Variants in SNTG1 observed in about 807,000 individuals in gnomAD.
SNTG1 encodes syntrophin gamma 1, also known as gamma-1-syntrophin.
In SNTG1, 39 loss-of-function variants were observed where a neutral mutation model predicts 74.7. The ratio of observed to expected loss-of-function variants is 0.52; its 90% confidence interval spans 0.40 to 0.68. SNTG1 has a LOEUF of 0.68. Among genes scored for constraint, SNTG1 ranks in the 30% least tolerant of loss-of-function variants. The probability of loss-of-function intolerance (pLI) is 0.00; values close to 1 mark genes in which losing one functional copy is unlikely to be tolerated. For synonymous variants in SNTG1, 254 were observed against 217.1 expected (o/e 1.17, Z -1.49); for missense variants, 685 against 609.5 (o/e 1.12, Z -1.30).
intron 8 of SNTG1, among the ~76,000 whole-genome samples, chr8:50,474,663 G>T (rs2093681503): frequency 6.6e-6 from 1 of 152,168 alleles, no homozygotes; most frequent in Non-Finnish European, 1.5e-5. Context: ...GTGGAAGTCG[G>T]TGTGGCAATT....
At chr8:50,332,902 G>A (rs986850752) in intron 2 of SNTG1, among the ~76,000 whole-genome samples, 1 of 152,130 alleles carries the variant, frequency 6.6e-6, no homozygotes, top group Non-Finnish European at 1.5e-5. Context: ...CAATTACTTT[G>A]TTCTCAGAAC....
intron 4 of SNTG1, among the ~76,000 whole-genome samples, chr8:50,433,809 G>GA (rs1452633937): frequency 1.3e-5 from 2 of 152,086 alleles, no homozygotes; most frequent in African/African-American, 4.8e-5. Flanking sequence ...AAACTTGGAG[G>GA]AAAAAAGTCG....
chr8:50,190,324 A>G (rs1586638598), intron 2 of SNTG1, among the ~76,000 whole-genome samples: 1 of 152,146 alleles, frequency 6.6e-6, no homozygotes, highest in African/African-American at 2.4e-5. Flanking sequence ...TGGATTGAGG[A>G]GAACAGTCAG....
At chr8:50,233,278 T>G (rs192315156) in intron 2 of SNTG1, among the ~76,000 whole-genome samples, 13 of 151,750 alleles carry the variant, frequency 8.6e-5, no homozygotes, top group Non-Finnish European at 1.8e-4. Context: ...AAGTGATTTT[T>G]GGCAAATATT....
intron 2 of SNTG1, among the ~76,000 whole-genome samples, chr8:50,263,559 T>C (rs1038800990): frequency 6.6e-6 from 1 of 152,168 alleles, no homozygotes; most frequent in Admixed American, 6.5e-5. Flanking sequence ...TTAAGATAGC[T>C]GGTGTGGCTA....
At chr8:50,607,985 T>G (rs759316653) in intron 13 of SNTG1, among the ~76,000 whole-genome samples, 6 of 151,688 alleles carry the variant, frequency 4.0e-5, no homozygotes, top group Non-Finnish European at 7.4e-5. Context: ...AAGAGTGGTG[T>G]TGTTTAATTT....
chr8:50,377,251 GA>G (rs1173851274), intron 2 of SNTG1, among the ~76,000 whole-genome samples: 3 of 151,694 alleles, frequency 2.0e-5, no homozygotes, highest in Non-Finnish European at 4.4e-5. Flanking sequence ...AGGAAAGGAA[GA>G]AAAAAAATGG....
chr8:50,455,535 A>G lies in SNTG1; in HGVS notation c.363+4806A>G, dbSNP rs1306980647. On this transcript the variant is annotated intron_variant, in intron 8 of 18. Transcript: ENST00000642720. ...GTAATTTAAAATGACACCTTCATAC[A>G]GTGAAAACAAATGCTGATAAAACCT... Among the ~76,000 whole-genome samples the G allele has an allele frequency of 2.0e-5, 3 of 152,218 alleles. No homozygotes were observed. In the South Asian group the frequency reaches 6.2e-4, roughly 31 times the overall value.
At chr8:50,438,148 C>A (rs1352384051) in intron 4 of SNTG1, among the ~76,000 whole-genome samples, 2 of 152,048 alleles carry the variant, frequency 1.3e-5, no homozygotes, top group Non-Finnish European at 2.9e-5. Flanking sequence ...CCATGGTTTA[C>A]CAGGATCATA....
chr8:50,072,252 G>A (rs1325221396), intron 1 of SNTG1, among the ~76,000 whole-genome samples: 1 of 152,188 alleles, frequency 6.6e-6, no homozygotes, highest in Non-Finnish European at 1.5e-5. Flanking sequence ...AACTGCTATA[G>A]AGAGTTGTTT....
intron 18 of SNTG1, among the ~76,000 whole-genome samples, chr8:50,776,430 TTA>T (rs1344584613): frequency 6.1e-5 from 9 of 147,390 alleles, no homozygotes; most frequent in East Asian, 2.0e-4. Flanking sequence ...CTTATAATAT[TTA>T]TATGTTATAT....
At chr8:50,099,495 T>C (rs1443956245) in intron 1 of SNTG1, among the ~76,000 whole-genome samples, 1 of 152,124 alleles carries the variant, frequency 6.6e-6, no homozygotes, top group East Asian at 1.9e-4. Context: ...TTCCTTTCTT[T>C]TGGATAGATA....
intron 15 of SNTG1, among the ~76,000 whole-genome samples, chr8:50,680,415 G>C (rs929698110): frequency 1.3e-5 from 2 of 152,156 alleles, no homozygotes; most frequent in African/African-American, 4.8e-5. Flanking sequence ...AGCTGATGAA[G>C]CTGTAGTTGG....
intron 1 of SNTG1, among the ~76,000 whole-genome samples, chr8:50,161,532 G>A (rs2082415088): frequency 6.6e-6 from 1 of 152,026 alleles, no homozygotes. Flanking sequence ...CAGTGTCCAT[G>A]TGCTGATTCT....
Position 50,199,661 on chromosome 8 carries a change from C to T in SNTG1, c.-28+27026C>T, listed in dbSNP as rs573468707. The stretch of plus-strand genomic sequence containing the variant: ...TACAGATTCTAGGAAATTATGACGA[C>T]GCTGAGTGCAGGTCGTCAGCTGCCC... On this transcript the variant is annotated intron_variant, in intron 2 of 18. Transcript: ENST00000642720. Among the ~76,000 whole-genome samples the T allele has an allele frequency of 7.9e-5, 12 of 152,224 alleles. No individual in the cohort carries two copies. In the East Asian group the frequency reaches 1.4e-3, roughly 17 times the overall value.
chr8:50,415,607 T>A (rs1472769051), intron 4 of SNTG1, among the ~76,000 whole-genome samples: 1 of 152,104 alleles, frequency 6.6e-6, no homozygotes, highest in Non-Finnish European at 1.5e-5. Flanking sequence ...AAAAAATATA[T>A]TTTTCTCCTC....
chr8:50,350,347 G>C (rs1472026729), intron 2 of SNTG1, among the ~76,000 whole-genome samples: 4 of 152,198 alleles, frequency 2.6e-5, no homozygotes, highest in African/African-American at 9.6e-5. Flanking sequence ...CTGTGGCCCT[G>C]GTGCGGGATC....
At chr8:50,312,014 G>A (rs2090132707) in intron 2 of SNTG1, among the ~76,000 whole-genome samples, 1 of 152,084 alleles carries the variant, frequency 6.6e-6, no homozygotes, top group South Asian at 2.1e-4. Context: ...AGTAAAGAAA[G>A]GTAGTATGCA....
intron 18 of SNTG1, among the ~76,000 whole-genome samples, chr8:50,764,508 T>G (rs894940824): frequency 4.6e-5 from 7 of 151,952 alleles, no homozygotes. Context: ...CCAACATTTA[T>G]GTACATGTGA....
Sources: allele counts gnomAD v4.1 joint callset (sites outside exome capture counted in the v4.1 genomes callset), GRCh38; gene constraint gnomAD v4.1.1; transcripts MANE v1.5; gene names NCBI Gene and HGNC (gene_info 2026-07-23, HGNC 2026-07-21).